FNDC3A: variants seen among roughly 807,000 people sequenced by gnomAD.
The protein encoded by FNDC3A is fibronectin type-III domain-containing protein 3A.
A neutral mutation model predicts 148.9 loss-of-function variants in FNDC3A; 32 were observed. The ratio of observed to expected loss-of-function variants is 0.21; its 90% CI spans 0.16 to 0.29. FNDC3A has a LOEUF of 0.29. Ranked by LOEUF, FNDC3A falls within the 10% of genes least tolerant of loss-of-function variation. The pLI is 1.00. For missense variants in FNDC3A, 1,191 were observed against 1,452.8 expected (o/e 0.82, Z 2.93); for synonymous variants, 472 against 473.6 (o/e 1.00, Z 0.04).
chr13:49,107,136 T>C (rs1445966586), intron 3 of FNDC3A, among the ~76,000 whole-genome samples: 1 of 152,224 alleles, frequency 6.6e-6, no homozygotes, highest in Non-Finnish European at 1.5e-5. Flanking sequence ...TTTAATGACT[T>C]GCACTATTTT....
intron 1 of FNDC3A, among the ~76,000 whole-genome samples, chr13:48,991,317 A>C (rs1474678025): frequency 6.6e-6 from 1 of 152,234 alleles, no homozygotes; most frequent in Non-Finnish European, 1.5e-5. Flanking sequence ...AAGAATTCTT[A>C]CCAGAGATAA....
intron 25 of FNDC3A, among the ~76,000 whole-genome samples, chr13:49,205,506 G>A (rs943587158): frequency 7.9e-5 from 12 of 152,056 alleles, no homozygotes; most frequent in Non-Finnish European, 1.0e-4. Flanking sequence ...TTTGAGGATC[G>A]ATATGACACT....
chr13:49,126,937 T>C (rs778293755), intron 4 of FNDC3A, among the ~76,000 whole-genome samples: 15 of 152,218 alleles, frequency 9.9e-5, no homozygotes, highest in Non-Finnish European at 1.9e-4. Flanking sequence ...GAGAGATCAC[T>C]GAGATTGTGG....
chr13:48,990,415 T>C (rs993162483), intron 1 of FNDC3A, among the ~76,000 whole-genome samples: 1 of 151,862 alleles, frequency 6.6e-6, no homozygotes, highest in Non-Finnish European at 1.5e-5. Context: ...AAAAAAATTA[T>C]TATTTGAATA....
At chr13:49,171,916 A>G in intron 10 of FNDC3A, 127 bp from the exon 11 acceptor site, 1 of 623,816 alleles carries the variant, frequency 1.6e-6, no homozygotes, top group Non-Finnish European at 2.8e-6. Context: ...ATTTTTATGA[A>G]CATTTTCGCA....
chr13:49,013,621 CGTGTATACATGTATACAT>C (rs1952417376), intron 2 of FNDC3A, among the ~76,000 whole-genome samples: 1 of 150,992 alleles, frequency 6.6e-6, no homozygotes, highest in Non-Finnish European at 1.5e-5. Flanking sequence ...CATGTGTACA[CGTGTATACATGTATACAT>C]GTACATGTGT....
At chr13:49,187,337 T>A in intron 16 of FNDC3A, 147 bp downstream of exon 16, 1 of 872,512 alleles carries the variant, frequency 1.1e-6, no homozygotes, top group Non-Finnish European at 1.8e-6. Context: ...CTTTGGGTTG[T>A]CCTGGATTTT....
chr13:48,980,698 T>G (rs1266253157), intron 1 of FNDC3A, among the ~76,000 whole-genome samples: 1 of 152,190 alleles, frequency 6.6e-6, no homozygotes, highest in Non-Finnish European at 1.5e-5. Flanking sequence ...TCTGTTTCCT[T>G]CAGTATACTG....
At chr13:49,107,841 T>G (rs1268738086) in intron 3 of FNDC3A, among the ~76,000 whole-genome samples, 2 of 152,256 alleles carry the variant, frequency 1.3e-5, no homozygotes, top group African/African-American at 4.8e-5. Context: ...CTGAAGATAC[T>G]AAATTTATAA....
intron 2 of FNDC3A, among the ~76,000 whole-genome samples, chr13:49,073,077 G>A (rs1877812323): frequency 1.3e-5 from 2 of 152,096 alleles, no homozygotes. Context: ...TAGCCATATG[G>A]CTCTTGGCTA....
intron 8 of FNDC3A, among the ~76,000 whole-genome samples, chr13:49,158,253 C>T (rs925486075): frequency 6.6e-6 from 1 of 152,176 alleles, no homozygotes; most frequent in Non-Finnish European, 1.5e-5. Flanking sequence ...GTCGGAGAAG[C>T]GCAATATTCG....
chr13:49,089,767 C>T (rs1380178326), intron 3 of FNDC3A, among the ~76,000 whole-genome samples: 1 of 152,116 alleles, frequency 6.6e-6, no homozygotes, highest in African/African-American at 2.4e-5. Context: ...TTATGAGACC[C>T]CGAACAGAGA....
chr13:49,075,808 C>CA (rs1878061544), intron 3 of FNDC3A, among the ~76,000 whole-genome samples: 1 of 120,866 alleles, frequency 8.3e-6, no homozygotes, highest in East Asian at 2.7e-4. Context: ...CTGCCCCCCC[C>CA]ACCCCCACCC....
In FNDC3A at chr13:49,065,504, G is replaced by T. The variant is rs987207881; in HGVS notation, c.100-9785G>T. On this transcript the variant is annotated intron_variant, in intron 2 of 25. Coordinates refer to ENST00000492622, the MANE Select transcript of FNDC3A (RefSeq NM_001079673.2). ...TTCCATTAGAATGTATCATCTGCAAGAGGATGGGTTCTGCTTATCTTGTTC... is the reference window on the plus strand; with the variant it reads ...TTCCATTAGAATGTATCATCTGCAATAGGATGGGTTCTGCTTATCTTGTTC... Among the ~76,000 whole-genome samples, 4 of 152,190 alleles carry T rather than the reference G, an allele frequency of 2.6e-5. No homozygotes were observed. The East Asian group carries it at 7.7e-4, about 29-fold the overall frequency.
chr13:49,136,297 G>T lies in FNDC3A; in HGVS notation c.491-35G>T, dbSNP rs747023839. On this transcript the variant is annotated intron_variant, in intron 5 of 25. Transcript: ENST00000492622. The stretch of plus-strand genomic sequence containing the variant: ...TGGCATAAACTTATTTGGAGAAAGT[G>T]ATCTTCTTAACATTTTGTTTTTATT... 7 of 1,555,134 alleles carry T rather than the reference G, an allele frequency of 4.5e-6. 1 individual carries two copies. The South Asian group carries it at 8.4e-5, about 19-fold the overall frequency.
chr13:49,088,548 C>T (rs1004132832), intron 3 of FNDC3A, among the ~76,000 whole-genome samples: 1 of 152,214 alleles, frequency 6.6e-6, no homozygotes, highest in Non-Finnish European at 1.5e-5. Flanking sequence ...TCAATTCTCA[C>T]TTCTCATCAT....
intron 3 of FNDC3A, among the ~76,000 whole-genome samples, chr13:49,081,308 C>T (rs935070521): frequency 9.9e-5 from 15 of 152,098 alleles, no homozygotes; most frequent in African/African-American, 7.2e-5. Flanking sequence ...AATACACAGA[C>T]GAGCTATGCT....
intron 10 of FNDC3A, 57 bp from the exon 11 acceptor site, chr13:49,171,986 G>A (rs1884777843): frequency 2.6e-6 from 3 of 1,146,320 alleles, no homozygotes; most frequent in African/African-American, 3.1e-5. Context: ...GATCATCACA[G>A]TATCATTTAT....
chr13:49,055,955 G>A (rs1007287839), intron 2 of FNDC3A, among the ~76,000 whole-genome samples: 3 of 152,072 alleles, frequency 2.0e-5, no homozygotes, highest in Non-Finnish European at 2.9e-5. Context: ...GGAAGGCTGA[G>A]GCAGGACGAT....
Sources: gnomAD v4.1 joint callset for allele counts (sites outside exome capture counted in the v4.1 genomes callset) on GRCh38, gnomAD v4.1.1 for gene constraint, MANE v1.5 for transcripts, NCBI Gene and HGNC (gene_info 2026-07-23, HGNC 2026-07-21) for gene names.